ARL5B: variants seen among roughly 807,000 people sequenced by gnomAD.
ARL5B encodes ADP-ribosylation factor-like protein 5B.
A neutral mutation model predicts 26.9 loss-of-function variants in ARL5B; 10 were observed. That is an observed-to-expected ratio of 0.37 (90% CI 0.23 to 0.63). The LOEUF is 0.63. Among genes scored for constraint, ARL5B ranks in the 30% least tolerant of loss-of-function variants. ARL5B has a pLI of 0.62. For synonymous variants in ARL5B, 87 were observed against 70.4 expected (o/e 1.24, Z -1.18); for missense variants, 167 against 213.9 (o/e 0.78, Z 1.37).
chr10:18,677,589 T>C lies in ARL5B; in HGVS notation c.*2373T>C, dbSNP rs2059915748. 1 of 152,304 alleles carries C rather than the reference T, an allele frequency of 6.6e-6. No individual in the cohort carries two copies. Among genetic ancestry groups the C allele is most frequent in the South Asian group, 2.1e-4 (1 of 4,836 alleles). The allele number at this position is 152,304 out of a possible 1,614,324, so 9.4% of individuals were successfully genotyped here. On this transcript the variant is annotated 3_prime_UTR_variant, in exon 6 of 6. Coordinates refer to ENST00000377275, the MANE Select transcript of ARL5B (RefSeq NM_178815.5). ...AGTAACGTGAAAACTGATTATTCTT[T>C]ACTCCAAGAGAATGTTTTAACCCAA...
Position 18,662,556 on chromosome 10 carries a change from C to T in ARL5B, c.46+2873C>T, listed in dbSNP as rs573244069. On this transcript the variant is annotated intron_variant, in intron 1 of 5. Transcript: ENST00000377275. ...TATGTTAATGTAGTTCTGTGAAATA[C>T]ATATGTGTTATGTGTGTTTGATAGC... Among the ~76,000 whole-genome samples, 10 of 152,238 alleles carry T rather than the reference C, an allele frequency of 6.6e-5. No homozygotes were observed. The South Asian group carries it at 1.9e-3, about 28-fold the overall frequency.
intron 5 of ARL5B, among the ~76,000 whole-genome samples, chr10:18,674,722 T>C (rs369335291): frequency 3.3e-4 from 50 of 152,348 alleles, no homozygotes; most frequent in African/African-American, 1.2e-3. Flanking sequence ...CCTCACCTTC[T>C]TAGTTTTTCT....
intron 3 of ARL5B, among the ~76,000 whole-genome samples, chr10:18,670,616 AAAAG>A (rs991093004): frequency 6.6e-5 from 10 of 151,304 alleles, no homozygotes; most frequent in African/African-American, 2.2e-4. Context: ...CTCTCAAAAA[AAAAG>A]AAAAGAAAGT....
chr10:18,670,584 C>T (rs149912325), intron 3 of ARL5B, among the ~76,000 whole-genome samples: 1 of 152,054 alleles, frequency 6.6e-6, no homozygotes, highest in Admixed American at 6.6e-5. Flanking sequence ...GCACTCCAGC[C>T]TGGGTGGCAG....
intron 3 of ARL5B, among the ~76,000 whole-genome samples, chr10:18,671,763 C>G (rs1464264262): frequency 6.6e-6 from 1 of 151,068 alleles, no homozygotes; most frequent in Non-Finnish European, 1.5e-5. Flanking sequence ...TTCCTAGGCT[C>G]AAAGCAGTCC....
chr10:18,672,820 A>G (rs2059893771), intron 4 of ARL5B, 115 bp downstream of exon 4: 1 of 569,518 alleles, frequency 1.8e-6, no homozygotes, highest in Non-Finnish European at 3.0e-6. Context: ...GATTAACACA[A>G]CTTTATGTAC....
intron 1 of ARL5B, chr10:18,660,001 T>C (rs776383297): frequency 6.0e-5 from 57 of 946,088 alleles, no homozygotes; most frequent in Non-Finnish European, 6.8e-5. Context: ...CTCGTCTTTA[T>C]TGAAGCGTGC....
chr10:18,671,698 CCT>C (rs1284527113), intron 3 of ARL5B, among the ~76,000 whole-genome samples: 2 of 147,086 alleles, frequency 1.4e-5, no homozygotes, highest in Non-Finnish European at 3.0e-5. Flanking sequence ...TGAGTTAGGG[CCT>C]CTCTCTCACC....
At chr10:18,663,710 G>T (rs981208999) in intron 1 of ARL5B, among the ~76,000 whole-genome samples, 2 of 151,364 alleles carry the variant, frequency 1.3e-5, no homozygotes, top group Non-Finnish European at 2.9e-5. Context: ...CACCACGCCC[G>T]GCTGATTTTC....
chr10:18,666,817 C>T (rs1019871307), intron 2 of ARL5B, among the ~76,000 whole-genome samples, 182 bp downstream of exon 2: 2 of 151,732 alleles, frequency 1.3e-5, no homozygotes, highest in African/African-American at 4.8e-5. Context: ...TTTGCTAAAC[C>T]CTTCACAAAC....
chr10:18,669,024 C>G (rs1417994742), intron 3 of ARL5B, among the ~76,000 whole-genome samples: 2 of 152,132 alleles, frequency 1.3e-5, no homozygotes, highest in Non-Finnish European at 2.9e-5. Context: ...CCTCCTTGGC[C>G]TCCCAAAGTG....
intron 1 of ARL5B, chr10:18,659,894 TATTTGG>T: frequency 1.0e-6 from 1 of 985,204 alleles, no homozygotes; most frequent in Non-Finnish European, 1.2e-6. Context: ...GAAGAGAAGG[TATTTGG>T]CGTCCCAGAA....
chr10:18,659,628 G>A lies in ARL5B; in HGVS notation c.-10G>A, dbSNP rs754755684. 5 of 1,608,830 alleles carry A rather than the reference G, an allele frequency of 3.1e-6. No individual in the cohort carries two copies. Among genetic ancestry groups the A allele is most frequent in the Admixed American group, 3.4e-5 (2 of 59,598 alleles). ...GCCGAGGGACCCCGCGGCCCGCCCC[G>A]GTGCTCGTGATGGGGCTGATCTTCG... On this transcript the variant is annotated 5_prime_UTR_variant, in exon 1 of 6. Transcript: ENST00000377275.
chr10:18,667,064 C>T (rs2059864619), intron 2 of ARL5B, among the ~76,000 whole-genome samples: 1 of 152,156 alleles, frequency 6.6e-6, no homozygotes, highest in Non-Finnish European at 1.5e-5. Flanking sequence ...GAAAATATTG[C>T]TGTAGTAGCT....
chr10:18,677,954 A>C lies in ARL5B; in HGVS notation c.*2738A>C, dbSNP rs1178707453. ...ATTAAATTTTAACAGAAATCTTTTA[A>C]GTATGTTATAACCAAAGTGTTCAAT... On this transcript the variant is annotated 3_prime_UTR_variant, in exon 6 of 6. Coordinates refer to ENST00000377275, the MANE Select transcript of ARL5B (RefSeq NM_178815.5). The C allele has an allele frequency of 1.3e-5, 2 of 151,814 alleles. No homozygotes were observed. Among genetic ancestry groups the C allele is most frequent in the African/African-American group, 2.4e-5 (1 of 41,406 alleles). The allele number at this position is 151,814 out of a possible 1,614,324, so 9.4% of individuals were successfully genotyped here.
intron 4 of ARL5B, among the ~76,000 whole-genome samples, chr10:18,673,700 A>G (rs1259437379): frequency 1.3e-5 from 2 of 151,934 alleles, no homozygotes; most frequent in African/African-American, 2.4e-5. Flanking sequence ...ACATACTACC[A>G]TATTTGCCTA....
At chr10:18,663,195 G>A (rs961547311) in intron 1 of ARL5B, among the ~76,000 whole-genome samples, 1 of 151,980 alleles carries the variant, frequency 6.6e-6, no homozygotes, top group African/African-American at 2.4e-5. Flanking sequence ...TTGTAGTAGA[G>A]ATGGATTTTA....
chr10:18,671,043 C>A (rs1590227875), intron 3 of ARL5B, among the ~76,000 whole-genome samples: 1 of 144,828 alleles, frequency 6.9e-6, no homozygotes, highest in African/African-American at 2.5e-5. Context: ...TTATTGACAC[C>A]TTCCTCTCAT....
chr10:18,669,011 C>T (rs1460426587), intron 3 of ARL5B, among the ~76,000 whole-genome samples: 1 of 152,100 alleles, frequency 6.6e-6, no homozygotes, highest in African/African-American at 2.4e-5. Flanking sequence ...CCTCGTGATC[C>T]ACCCTCCTTG....
Sources: allele counts gnomAD v4.1 joint callset (sites outside exome capture counted in the v4.1 genomes callset), GRCh38; gene constraint gnomAD v4.1.1; transcripts MANE v1.5; gene names NCBI Gene and HGNC (gene_info 2026-07-23, HGNC 2026-07-21).